Variants in NIFK observed in about 807,000 individuals in gnomAD.
NIFK encodes MKI67 FHA domain-interacting nucleolar phosphoprotein.
A neutral mutation model predicts 31.7 loss-of-function variants in NIFK; 16 were observed. The ratio of observed to expected loss-of-function variants is 0.50; its 90% CI spans 0.34 to 0.77. The LOEUF is 0.77. Among genes scored for constraint, NIFK ranks in the 30% least tolerant of loss-of-function variants. The pLI is 0.01. For missense variants in NIFK, 341 were observed against 350.4 expected, an observed-to-expected ratio of 0.97 and a Z score of 0.21; for synonymous variants, 126 against 123.0, an observed-to-expected ratio of 1.02 and a Z score of -0.16.
At position 121,728,296 on chromosome 2, in the gene NIFK, CCA is replaced by C. The variant is rs1458294338; in HGVS notation, c.683_684del (p.Val228GlyfsTer2). On this transcript the variant is annotated frameshift_variant, in exon 6 of 7. Coordinates refer to ENST00000285814, the MANE Select transcript of NIFK (RefSeq NM_032390.5). LOFTEE classifies it high-confidence loss of function. ...SGTLDTPEKT[V>X]DSQGPTPVCT... ...ATTGAAAACCATTTTACCTGGCTAT[CCA>C]CAGTCTTCTCAGGAGTGTCAAGAGT... The C allele has an allele frequency of 1.1e-5, 18 of 1,598,658 alleles. No individual in the cohort carries two copies. The highest frequency in any genetic ancestry group is 1.5e-5 in the Non-Finnish European group (18 of 1,171,636).
chr2:121,727,977 A>T, intron 6 of NIFK, 65 bp from the exon 7 acceptor site: 1 of 1,381,410 alleles, frequency 7.2e-7, no homozygotes, highest in East Asian at 2.4e-5. Context: ...TTACCCAAAA[A>T]TATCATCTCT....
chr2:121,730,788 T>C (rs980552955), intron 4 of NIFK, 105 bp downstream of exon 4: 1 of 749,680 alleles, frequency 1.3e-6, no homozygotes. Context: ...GAAGTTGCAG[T>C]GAGTCAAGAT....
intron 2 of NIFK, among the ~76,000 whole-genome samples, chr2:121,733,742 G>A (rs942784633): frequency 1.3e-5 from 2 of 151,874 alleles, no homozygotes; most frequent in Non-Finnish European, 1.5e-5. Context: ...GAAAATCAGC[G>A]CATCACACAA....
chr2:121,728,591 A>G, intron 4 of NIFK, 55 bp from the exon 5 acceptor site: 1 of 982,506 alleles, frequency 1.0e-6, no homozygotes, highest in Non-Finnish European at 1.6e-6. Context: ...TAAACTTAGC[A>G]TTAGATCCTC....
rs779084790 is a variant in NIFK, at chr2:121,736,858, G to T, written c.-8C>A. On this transcript the variant is annotated 5_prime_UTR_variant, in exon 1 of 7. Coordinates refer to ENST00000285814, the MANE Select transcript of NIFK (RefSeq NM_032390.5). Reference sequence around the variant, plus strand: ...GCCAGAAAAAGTCGCCATGCCAAAAGCCGCCGACGCTAACCACGCGGCGCT... The same window carrying T: ...GCCAGAAAAAGTCGCCATGCCAAAATCCGCCGACGCTAACCACGCGGCGCT... 16 of 1,611,590 alleles carry T rather than the reference G, an allele frequency of 9.9e-6. No individual in the cohort carries two copies. Among genetic ancestry groups the T allele is most frequent in the Non-Finnish European group, 1.4e-5 (16 of 1,177,910 alleles).
At chr2:121,729,240 G>A (rs2106441593) in intron 4 of NIFK, among the ~76,000 whole-genome samples, 1 of 152,012 alleles carries the variant, frequency 6.6e-6, no homozygotes, top group African/African-American at 2.4e-5. Flanking sequence ...GGTGGTGTGT[G>A]CCTGTAGTCC....
chr2:121,735,227 C>T (rs2074570609), intron 2 of NIFK, among the ~76,000 whole-genome samples: 1 of 152,186 alleles, frequency 6.6e-6, no homozygotes, highest in Non-Finnish European at 1.5e-5. Context: ...ATCACTCTAA[C>T]TAGTAAGGTG....
At chr2:121,729,443 C>CTA (rs1573373143) in intron 4 of NIFK, among the ~76,000 whole-genome samples, 2 of 151,684 alleles carry the variant, frequency 1.3e-5, no homozygotes, top group Non-Finnish European at 2.9e-5. Flanking sequence ...CATTCTTGAT[C>CTA]TATAATAAAA....
In NIFK at chr2:121,727,952, A is replaced by G. The variant is rs183644769; in HGVS notation, c.694-40T>C. 128 of 1,523,800 alleles carry G rather than the reference A, an allele frequency of 8.4e-5. No homozygotes were observed. The East Asian group carries it at 3.0e-3, about 35-fold the overall frequency. The allele number at this position is 1,523,800 out of a possible 1,614,324, so 94.4% of individuals were successfully genotyped here. A position where few individuals can be genotyped will look rare whatever the true frequency, so the allele number is the denominator to read the frequency against. ...TAAAGATTATAATACATAAATGTAA[A>G]ACATGATTATGACTTTACCCAAAAA... On this transcript the variant is annotated intron_variant, in intron 6 of 6. Transcript: ENST00000285814.
chr2:121,736,512 C>A (rs1346064777), intron 1 of NIFK, among the ~76,000 whole-genome samples: 2 of 152,242 alleles, frequency 1.3e-5, no homozygotes, highest in African/African-American at 4.8e-5. Flanking sequence ...GCCTCAGCGG[C>A]CAAACCCCTC....
Position 121,727,487 on chromosome 2 carries a change from A to G in NIFK, c.*237T>C, listed in dbSNP as rs769601888. The G allele has an allele frequency of 1.5e-6, 1 of 670,544 alleles. No individual in the cohort carries two copies. The highest frequency in any genetic ancestry group is 2.8e-6 in the Non-Finnish European group (1 of 357,008). The allele number at this position is 670,544 out of a possible 1,614,324, so 41.5% of individuals were successfully genotyped here. On this transcript the variant is annotated 3_prime_UTR_variant, in exon 7 of 7. Coordinates refer to ENST00000285814, the MANE Select transcript of NIFK (RefSeq NM_032390.5). ...AGCTATGAAATATCAAAAGAAAACT[A>G]GAGGCCAGGACAAAGAGGCAATGTC... is the stretch of plus-strand genomic sequence containing the variant.
chr2:121,733,718 A>G (rs1286746204), intron 2 of NIFK, among the ~76,000 whole-genome samples: 1 of 152,138 alleles, frequency 6.6e-6, no homozygotes, highest in Non-Finnish European at 1.5e-5. Context: ...AAAAAAAATG[A>G]ATAGAATGAA....
At chr2:121,730,864 AC>A in intron 4 of NIFK, 28 bp downstream of exon 4, 1 of 1,545,484 alleles carries the variant, frequency 6.5e-7, no homozygotes, top group Non-Finnish European at 8.9e-7. Flanking sequence ...CCCACAACAA[AC>A]CACAAAAAAG....
chr2:121,727,446 A>C lies in NIFK; in HGVS notation c.*278T>G, dbSNP rs1334256665. 1.7e-6 allele frequency: 1 copy of C among 585,502 alleles called. No individual in the cohort carries two copies. Among genetic ancestry groups the C allele is most frequent in the African/African-American group, 1.8e-5 (1 of 54,390 alleles). 36.3% of individuals were successfully genotyped at this position (585,502 alleles called of 1,614,324 possible). On this transcript the variant is annotated 3_prime_UTR_variant, in exon 7 of 7. Transcript: ENST00000285814. ...TTAGTGGTCAACTTTCTATCCAGGC[A>C]GAGTAAACTAAGGAGAGCTATGAAA...
Position 121,736,791 on chromosome 2 carries a change from G to C in NIFK, c.60C>G (p.Val20=). ...PILSLNPQED[V]EFQKEVAQVR... ...CCTGCGCCACCTCCTTTTGAAACTC[G>C]ACATCTTCCTGCGGATTAAGCGACA... Residue 20 remains valine, a synonymous_variant, in exon 1 of 7, where the codon GTC becomes GTG. Transcript: ENST00000285814. 1.9e-6 allele frequency: 3 copies of C among 1,614,160 alleles called. No individual in the cohort carries two copies. The highest frequency in any genetic ancestry group is 1.1e-5 in the South Asian group (1 of 91,084).
chr2:121,735,967 T>TA (rs1261439416), intron 1 of NIFK, among the ~76,000 whole-genome samples: 1 of 152,158 alleles, frequency 6.6e-6, no homozygotes, highest in Non-Finnish European at 1.5e-5. Context: ...CAGTATAATA[T>TA]TAGAGCTCAA....
chr2:121,733,932 A>C (rs1205299676), intron 2 of NIFK, among the ~76,000 whole-genome samples: 1 of 152,196 alleles, frequency 6.6e-6, no homozygotes, highest in African/African-American at 2.4e-5. Context: ...AATTCTGCCT[A>C]TACCTGTACA....
intron 1 of NIFK, among the ~76,000 whole-genome samples, chr2:121,736,309 A>G (rs1213788739): frequency 6.6e-6 from 1 of 152,238 alleles, no homozygotes; most frequent in Admixed American, 6.5e-5. Context: ...TAACTCCCAG[A>G]TCACCAACCC....
Position 121,735,691 on chromosome 2 carries a change from T to C in NIFK, c.165A>G (p.Leu55=), listed in dbSNP as rs780777169. 2.5e-6 allele frequency: 4 copies of C among 1,613,326 alleles called. No homozygotes were observed. The highest frequency in any genetic ancestry group is 1.8e-4 in the Middle Eastern group (1 of 5,450). Residue 55 remains leucine, a synonymous_variant, in exon 2 of 7, where the codon CTA becomes CTG. Coordinates refer to ENST00000285814, the MANE Select transcript of NIFK (RefSeq NM_032390.5). ...GVVYVRHLPN[L]LDETQIFSYF... ...ATGAAAAGATCTGGGTTTCGTCAAGTAGGTTAGGTAGGTGGCGCACATAGA... is the reference window on the plus strand; with the variant it reads ...ATGAAAAGATCTGGGTTTCGTCAAGCAGGTTAGGTAGGTGGCGCACATAGA...
Sources: allele counts gnomAD v4.1 joint callset (sites outside exome capture counted in the v4.1 genomes callset), GRCh38; gene constraint gnomAD v4.1.1; transcripts MANE v1.5; gene names NCBI Gene and HGNC (gene_info 2026-07-23, HGNC 2026-07-21).